NKAIN4: variants seen among roughly 807,000 people sequenced by gnomAD.
NKAIN4 encodes the protein sodium/potassium transporting ATPase interacting 4, also known as sodium/potassium-transporting ATPase subunit beta-1-interacting protein 4.
Under a neutral mutation model 28.8 loss-of-function variants are expected in NKAIN4, and 28 were observed. That is an observed-to-expected ratio of 0.97 (90% CI 0.72 to 1.33). NKAIN4 has a LOEUF of 1.33. Ranked by LOEUF, NKAIN4 falls within the 40% of genes most tolerant of loss-of-function variation. NKAIN4 has a pLI of 0.00. For synonymous variants in NKAIN4, 122 were observed against 115.6 expected, an observed-to-expected ratio of 1.06 and a Z score of -0.36; for missense variants, 289 against 277.2, an observed-to-expected ratio of 1.04 and a Z score of -0.30.
At position 63,240,866 on chromosome 20, in the gene NKAIN4, C is replaced by T. The variant is rs886234717; in HGVS notation, c.*631G>A. 5 of 152,624 alleles carry T rather than the reference C, an allele frequency of 3.3e-5. No homozygotes were observed. The highest frequency in any genetic ancestry group is 1.2e-4 in the African/African-American group (5 of 41,452). The allele number at this position is 152,624 out of a possible 1,614,324, so 9.5% of individuals were successfully genotyped here. On this transcript the variant is annotated 3_prime_UTR_variant, in exon 7 of 7. Coordinates refer to ENST00000370316, the MANE Select transcript of NKAIN4 (RefSeq NM_152864.4). ...ACTGTTTGCCCAAGAGCCCCCTTTA[C>T]AAGAGTACTGCCTGCTCGTCACCAC...
At chr20:63,247,239 A>T (rs1030824712) in intron 4 of NKAIN4, 83 of 1,234,698 alleles carry the variant, frequency 6.7e-5, no homozygotes, top group Admixed American at 3.6e-4. Flanking sequence ...AGGAAGATGC[A>T]TGCCCCTCCT....
At position 63,252,284 on chromosome 20, in the gene NKAIN4, T is replaced by A. The variant is rs1044569859; in HGVS notation, c.54+2113A>T. 6.6e-6 allele frequency among the ~76,000 whole-genome samples: 1 copy of A among 152,160 alleles called. No individual in the cohort carries two copies. On this transcript the variant is annotated intron_variant, in intron 1 of 6. Transcript: ENST00000370316. The surrounding 1 kb of genome is among the most constrained non-coding windows in gnomAD (Gnocchi z 4.6). ...CAGGACCCAGCCCCAAACCCCTTCC[T>A]GGGCCTTTGGCTCCCAGGGTCTCCT... is the stretch of plus-strand genomic sequence containing the variant.
In NKAIN4 at chr20:63,248,903, G is replaced by A. The variant is rs2066907388; in HGVS notation, c.193-8C>T. The stretch of plus-strand genomic sequence containing the variant: ...GGCTGCCCACAGCGTGTACTAGGGA[G>A]AGGAGAGGATGGGGCGGCAGCTGAA... On this transcript the variant is annotated splice_region_variant and splice_polypyrimidine_tract_variant and intron_variant, in intron 2 of 6. Transcript: ENST00000370316. The A allele has an allele frequency of 1.2e-6, 2 of 1,606,912 alleles. No individual in the cohort carries two copies. The highest frequency in any genetic ancestry group is 1.7e-6 in the Non-Finnish European group (2 of 1,174,734).
chr20:63,249,493 G>A (rs1047356620), intron 2 of NKAIN4, among the ~76,000 whole-genome samples: 4 of 152,240 alleles, frequency 2.6e-5, no homozygotes, highest in African/African-American at 9.6e-5. Context: ...TGCTGACTGA[G>A]CAGAGAGACA....
Position 63,241,498 on chromosome 20 carries a change from T to C in NKAIN4, c.626A>G (p.Ter209=). 1 of 1,550,308 alleles carries C rather than the reference T, an allele frequency of 6.5e-7. No individual in the cohort carries two copies. The highest frequency in any genetic ancestry group is 1.2e-5 in the South Asian group (1 of 84,048). The change falls in exon 7 of 7, where the codon TAA becomes TGA. Residue 209 remains the stop codon, a stop_retained_variant. Coordinates refer to ENST00000370316, the MANE Select transcript of NKAIN4 (RefSeq NM_152864.4). ...GAGCAGGATCAGCTGTTTCCTCACT[T>C]ACGCAGGCCTGTGGGGACAAGGTCA... is the stretch of plus-strand genomic sequence containing the variant. ...LLSKQVYLPA[*] is the part of the protein sequence containing the mutation.
chr20:63,244,330 G>A (rs1041193971), intron 4 of NKAIN4: 20 of 570,250 alleles, frequency 3.5e-5, no homozygotes, highest in African/African-American at 3.5e-4. Context: ...GCAGGTGGGT[G>A]AGGATAATGG....
Position 63,245,230 on chromosome 20 carries a change from G to C in NKAIN4, c.472-1146C>G, listed in dbSNP as rs997207704. Among the ~76,000 whole-genome samples the C allele has an allele frequency of 2.6e-5, 4 of 152,108 alleles. No homozygotes were observed. The highest frequency in any genetic ancestry group is 5.9e-5 in the Non-Finnish European group (4 of 68,010). ...CAGGCAGACCTATCTCCTTGATATT[G>C]AGACAAGCTCAAGAAGCTGTCCCAA... is the stretch of plus-strand genomic sequence containing the variant. On this transcript the variant is annotated intron_variant, in intron 4 of 6. Coordinates refer to ENST00000370316, the MANE Select transcript of NKAIN4 (RefSeq NM_152864.4). This position sits in a 1 kb window ranked among gnomAD's most constrained non-coding sequence, Gnocchi z 4.7.
At chr20:63,247,079 C>T (rs2236190) in intron 4 of NKAIN4, 389,605 of 1,029,438 alleles carry the variant, frequency 0.38, 74,373 homozygotes, top group East Asian at 0.53. Flanking sequence ...GGTCACGTGG[C>T]GCCAGCCTTG....
rs2066835814 is a variant in NKAIN4, at chr20:63,245,294, G to A, written c.472-1210C>T. ...GTTCCATGCCACGGCCAGGGTGGGA[G>A]CAGCGGTGAGGGTGGGCAACCTCCA... On this transcript the variant is annotated intron_variant, in intron 4 of 6. Coordinates refer to ENST00000370316, the MANE Select transcript of NKAIN4 (RefSeq NM_152864.4). The surrounding 1 kb of genome is among the most constrained non-coding windows in gnomAD (Gnocchi z 4.7). Among the ~76,000 whole-genome samples, 1 of 152,160 alleles carries A rather than the reference G, an allele frequency of 6.6e-6. No homozygotes were observed. The highest frequency in any genetic ancestry group is 2.4e-5 in the African/African-American group (1 of 41,422).
rs966891780 is a variant in NKAIN4, at chr20:63,241,491, C to A, written c.*6G>T. 1.9e-6 allele frequency: 3 copies of A among 1,550,574 alleles called. No individual in the cohort carries two copies. Among genetic ancestry groups the A allele is most frequent in the Non-Finnish European group, 2.6e-6 (3 of 1,147,006 alleles). On this transcript the variant is annotated 3_prime_UTR_variant, in exon 7 of 7. Coordinates refer to ENST00000370316, the MANE Select transcript of NKAIN4 (RefSeq NM_152864.4). ...GCCACAGGAGCAGGATCAGCTGTTT[C>A]CTCACTTACGCAGGCCTGTGGGGAC...
chr20:63,254,358 CG>C (rs2067014823), intron 1 of NKAIN4, 38 bp downstream of exon 1: 42 of 1,415,584 alleles, frequency 3.0e-5, no homozygotes, highest in Admixed American at 1.7e-4. Context: ...GGTCGGGCAC[CG>C]GGGGCTCCAG....
intron 1 of NKAIN4, among the ~76,000 whole-genome samples, chr20:63,250,513 G>A (rs2066938063): frequency 6.6e-6 from 1 of 150,544 alleles, no homozygotes; most frequent in African/African-American, 2.4e-5. Context: ...TGGCCGGGAG[G>A]GACGGACGCG....
At position 63,241,279 on chromosome 20, in the gene NKAIN4, G is replaced by A; in HGVS notation, c.*218C>T. On this transcript the variant is annotated 3_prime_UTR_variant, in exon 7 of 7. Transcript: ENST00000370316. ...GTTTTCTTTTCTTTTTTTTTTTTAA[G>A]AGAAAGGAAATTACAAACTCTCTTG... 3.8e-6 allele frequency: 2 copies of A among 522,464 alleles called. No homozygotes were observed. Among genetic ancestry groups the A allele is most frequent in the Non-Finnish European group, 6.8e-6 (2 of 294,022 alleles). 32.4% of individuals were successfully genotyped at this position (522,464 alleles called of 1,614,324 possible). A position where few individuals can be genotyped will look rare whatever the true frequency, so the allele number is the denominator to read the frequency against.
chr20:63,245,197 C>G lies in NKAIN4; in HGVS notation c.472-1113G>C, dbSNP rs1015991225. ...GTCAGGGGCCAGGAGACCTCTCTTA[C>G]CACCAAGCAGGCAGACCTATCTCCT... On this transcript the variant is annotated intron_variant, in intron 4 of 6. Coordinates refer to ENST00000370316, the MANE Select transcript of NKAIN4 (RefSeq NM_152864.4). The surrounding 1 kb of genome is among the most constrained non-coding windows in gnomAD (Gnocchi z 4.7). Among the ~76,000 whole-genome samples, 11 of 152,146 alleles carry G rather than the reference C, an allele frequency of 7.2e-5. No homozygotes were observed. The highest frequency in any genetic ancestry group is 1.6e-4 in the Non-Finnish European group (11 of 68,028).
intron 1 of NKAIN4, chr20:63,253,241 G>C (rs978914264): frequency 5.1e-6 from 5 of 985,360 alleles, no homozygotes; most frequent in Non-Finnish European, 6.0e-6. Context: ...CTGTTCCAAG[G>C]CCTGGGATGG....
chr20:63,242,786 C>CGGG (rs147746767), intron 5 of NKAIN4, among the ~76,000 whole-genome samples, 163 bp from the exon 6 acceptor site: 10 of 53,880 alleles, frequency 1.9e-4, no homozygotes, highest in African/African-American at 6.0e-4. Flanking sequence ...CCTGGGGGGA[C>CGGG]GGGGGGGGTG....
upstream of NKAIN4, chr20:63,254,601 GGGTAA>G: frequency 4.2e-6 from 2 of 470,782 alleles, no homozygotes; most frequent in Non-Finnish European, 6.2e-6. Flanking sequence ...CCCCAGCCCC[GGGTAA>G]CAGCTGCGCT....
At position 63,252,397 on chromosome 20, in the gene NKAIN4, G is replaced by C. The variant is rs2066976383; in HGVS notation, c.54+2000C>G. On this transcript the variant is annotated intron_variant, in intron 1 of 6. Coordinates refer to ENST00000370316, the MANE Select transcript of NKAIN4 (RefSeq NM_152864.4). This position sits in a 1 kb window ranked among gnomAD's most constrained non-coding sequence, Gnocchi z 4.6. ...TTCACACTGTTCTTTGGGGAGAAAG[G>C]CGCTCAGAAGAGATGCCTGGGCCCT... is the stretch of plus-strand genomic sequence containing the variant. Among the ~76,000 whole-genome samples the C allele has an allele frequency of 6.6e-6, 1 of 152,046 alleles. No homozygotes were observed. The highest frequency in any genetic ancestry group is 2.4e-5 in the African/African-American group (1 of 41,372).
upstream of NKAIN4, chr20:63,254,636 C>T (rs1488992734): frequency 4.7e-6 from 2 of 425,786 alleles, no homozygotes; most frequent in Non-Finnish European, 7.8e-6. Context: ...CTCCCACCCC[C>T]GCCTGCGGCC....
Sources: gnomAD v4.1 joint callset for allele counts (sites outside exome capture counted in the v4.1 genomes callset) on GRCh38, gnomAD v4.1.1 for gene constraint, Gnocchi (gnomAD v3.1) non-coding constraint, MANE v1.5 for transcripts, NCBI Gene and HGNC (gene_info 2026-07-23, HGNC 2026-07-21) for gene names.